Variants in SYT16 observed in about 807,000 individuals in gnomAD.
The protein encoded by SYT16 is synaptotagmin-16.
Under a neutral mutation model 61.4 loss-of-function variants are expected in SYT16, and 42 were observed. The observed-to-expected ratio is 0.68, with a 90% CI of 0.53 to 0.89. The LOEUF (loss-of-function observed/expected upper bound fraction) is 0.89, where lower values mean the gene tolerates loss of function less well. Ranked by LOEUF, SYT16 falls within the 40% of genes least tolerant of loss-of-function variation. SYT16 has a pLI of 0.00. For missense variants in SYT16, 804 were observed against 807.3 expected, an observed-to-expected ratio of 1.00 and a Z score of 0.05; for synonymous variants, 314 against 302.3, an observed-to-expected ratio of 1.04 and a Z score of -0.40.
At chr14:62,052,241 A>G (rs1003140792) in intron 3 of SYT16, among the ~76,000 whole-genome samples, 2 of 152,144 alleles carry the variant, frequency 1.3e-5, no homozygotes, top group African/African-American at 2.4e-5. Flanking sequence ...CACTTTAACT[A>G]TACCCCACAA....
intron 7 of SYT16, among the ~76,000 whole-genome samples, chr14:62,093,617 G>A (rs190126314): frequency 2.6e-5 from 4 of 152,164 alleles, no homozygotes; most frequent in Admixed American, 6.5e-5. Flanking sequence ...TTTAATATTA[G>A]CAAAATCTGC....
At chr14:61,937,116 G>A (rs928918824) in intron 1 of SYT16, among the ~76,000 whole-genome samples, 5 of 152,208 alleles carry the variant, frequency 3.3e-5, no homozygotes, top group Admixed American at 1.3e-4. Flanking sequence ...GGATTTCCCC[G>A]TGGATGGTGA....
At chr14:61,974,203 G>T (rs757651577) in intron 2 of SYT16, among the ~76,000 whole-genome samples, 31 of 152,168 alleles carry the variant, frequency 2.0e-4, no homozygotes, top group Admixed American at 1.2e-3. Flanking sequence ...CGGGGGCAGA[G>T]AAGATAGCAG....
intron 3 of SYT16, among the ~76,000 whole-genome samples, chr14:62,050,753 C>T (rs1264768851): frequency 6.6e-6 from 1 of 152,138 alleles, no homozygotes; most frequent in East Asian, 1.9e-4. Flanking sequence ...ACCCTGTTTG[C>T]CTGGGTATCA....
chr14:61,879,212 A>C (rs1450823377), intron 1 of SYT16, among the ~76,000 whole-genome samples: 1 of 152,152 alleles, frequency 6.6e-6, no homozygotes. Context: ...CTGTGTTATT[A>C]ATACTTTTTC....
chr14:61,920,677 T>C (rs117421015), intron 1 of SYT16, among the ~76,000 whole-genome samples: 2,331 of 152,274 alleles, frequency 0.015, 38 homozygotes, highest in South Asian at 0.028. Flanking sequence ...CACTCCCAAA[T>C]TGTTGAGTTC....
At position 62,007,545 on chromosome 14, in the gene SYT16, C is replaced by T. The variant is rs75895234; in HGVS notation, c.523+11003C>T. Among the ~76,000 whole-genome samples, 816 of 152,144 alleles carry T rather than the reference C, an allele frequency of 5.4e-3. 8 individuals are homozygous for T. Among genetic ancestry groups the T allele is most frequent in the African/African-American group, 0.019 (777 of 41,520 alleles). ...TGACATACAGTTTTCAAAGCCTTAA[C>T]GTTTAAGTTGAGAAGATGATTATTC... On this transcript the variant is annotated intron_variant, in intron 3 of 7. Transcript: ENST00000683842.
At chr14:61,999,578 A>G (rs1284260221) in intron 3 of SYT16, among the ~76,000 whole-genome samples, 2 of 151,434 alleles carry the variant, frequency 1.3e-5, no homozygotes, top group African/African-American at 4.8e-5. Flanking sequence ...TGGTTTAATT[A>G]ATTTATCACT....
intron 3 of SYT16, among the ~76,000 whole-genome samples, chr14:62,064,298 G>A (rs771982460): frequency 1.9e-4 from 24 of 123,550 alleles, no homozygotes; most frequent in Non-Finnish European, 3.2e-4. Context: ...AAGTAGCTGG[G>A]ATCTTGCAAA....
chr14:61,814,259 AGT>A (rs2140201348), intron 1 of SYT16, among the ~76,000 whole-genome samples: 2 of 152,320 alleles, frequency 1.3e-5, no homozygotes, highest in African/African-American at 4.8e-5. Flanking sequence ...ATTTATACAA[AGT>A]GTGATTCCAT....
rs866296971 is a variant in SYT16, at chr14:61,945,728, T to C, written c.-324-24404T>C. Reference sequence around the variant, plus strand: ...AAAATTAGCCGGGCGTGGTGGCGGGTGCCTGTAGTCCCAGCTACGCGGGAG... The same window carrying C: ...AAAATTAGCCGGGCGTGGTGGCGGGCGCCTGTAGTCCCAGCTACGCGGGAG... On this transcript the variant is annotated intron_variant, in intron 1 of 7. Transcript: ENST00000683842. Among the ~76,000 whole-genome samples the C allele has an allele frequency of 1.6e-3, 246 of 151,636 alleles. 1 individual carries two copies. Among genetic ancestry groups the C allele is most frequent in the African/African-American group, 5.6e-3 (231 of 41,388 alleles).
At chr14:62,008,634 T>TC (rs1303601765) in intron 3 of SYT16, among the ~76,000 whole-genome samples, 4 of 133,708 alleles carry the variant, frequency 3.0e-5, no homozygotes, top group Admixed American at 2.2e-4. Context: ...CTGTTTTCTT[T>TC]TTTTTTTTTT....
At position 61,996,133 on chromosome 14, in the gene SYT16, G is replaced by A. The variant is rs752082025; in HGVS notation, c.114G>A (p.Ser38=). The A allele has an allele frequency of 8.1e-6, 13 of 1,613,226 alleles. No homozygotes were observed. The highest frequency in any genetic ancestry group is 3.3e-5 in the Admixed American group (2 of 59,900). The change falls in exon 3 of 8, where the codon TCG becomes TCA. Residue 38 remains serine, a synonymous_variant. Transcript: ENST00000683842. ...AAGCAGGAGATATGTTATCTGCTTCGCTGGTTAACATAAGCAAACAAGACT... is the reference window on the plus strand; with the variant it reads ...AAGCAGGAGATATGTTATCTGCTTCACTGGTTAACATAAGCAAACAAGACT... The part of the protein sequence containing the change: ...LQQAGDMLSA[S]LVNISKQDSK...
chr14:62,044,033 G>A (rs1283385649), intron 3 of SYT16, among the ~76,000 whole-genome samples: 1 of 152,044 alleles, frequency 6.6e-6, no homozygotes, highest in South Asian at 2.1e-4. Context: ...GATTTGAATT[G>A]CACAGTTCCA....
chr14:62,112,731 C>CA (rs1305098935), downstream of SYT16, among the ~76,000 whole-genome samples: 3 of 152,168 alleles, frequency 2.0e-5, no homozygotes, highest in Non-Finnish European at 4.4e-5. Flanking sequence ...ATGATCCATA[C>CA]AGTTTATTTG....
chr14:62,014,596 A>G (rs1327437633), intron 3 of SYT16, among the ~76,000 whole-genome samples: 2 of 151,624 alleles, frequency 1.3e-5, no homozygotes, highest in South Asian at 2.1e-4. Context: ...ACCATGCCCA[A>G]CTAATTTTTG....
At chr14:62,013,323 G>C (rs1269979055) in intron 3 of SYT16, among the ~76,000 whole-genome samples, 1 of 152,186 alleles carries the variant, frequency 6.6e-6, no homozygotes, top group Non-Finnish European at 1.5e-5. Context: ...CCCAAAGGGG[G>C]TTGAAGTGCC....
At chr14:61,943,801 C>T (rs183453509) in intron 1 of SYT16, among the ~76,000 whole-genome samples, 1 of 152,198 alleles carries the variant, frequency 6.6e-6, no homozygotes, top group African/African-American at 2.4e-5. Flanking sequence ...AATGTGGAAG[C>T]ATTCCCTTTG....
At chr14:61,878,801 G>A (rs2047592058) in intron 1 of SYT16, among the ~76,000 whole-genome samples, 1 of 152,198 alleles carries the variant, frequency 6.6e-6, no homozygotes, top group South Asian at 2.1e-4. Flanking sequence ...ACCTGCTGTG[G>A]ACTAGGAAGA....
Sources: allele counts gnomAD v4.1 joint callset (sites outside exome capture counted in the v4.1 genomes callset), GRCh38; gene constraint gnomAD v4.1.1; transcripts MANE v1.5; gene names NCBI Gene and HGNC (gene_info 2026-07-23, HGNC 2026-07-21).